The following PTH1R variants were observed in gnomAD, a reference collection of about 807,000 sequenced individuals.
PTH1R encodes the protein parathyroid hormone 1 receptor, also known as parathyroid hormone/parathyroid hormone-related peptide receptor.
In PTH1R, 32 loss-of-function variants were observed where a neutral mutation model predicts 70.7. The observed-to-expected ratio is 0.45, with a 90% CI of 0.34 to 0.61. The LOEUF (loss-of-function observed/expected upper bound fraction) is 0.61. Ranked by LOEUF, PTH1R falls within the 20% of genes least tolerant of loss-of-function variation. The pLI, the probability that PTH1R is intolerant of heterozygous loss-of-function variation, is 0.01. For missense variants in PTH1R, 626 were observed against 792.5 expected, an observed-to-expected ratio of 0.79 and a Z score of 2.52; for synonymous variants, 329 against 324.8, an observed-to-expected ratio of 1.01 and a Z score of -0.14.
At position 46,896,082 on chromosome 3, in the gene PTH1R, A is replaced by G. The variant is rs886327185; in HGVS notation, c.313+213A>G. On this transcript the variant is annotated intron_variant, in intron 5 of 15. Transcript: ENST00000449590. This position sits in a 1 kb window ranked among gnomAD's most constrained non-coding sequence, Gnocchi z 4.1. ...AGGCCTCAGAAAGAGATGAACAGAG[A>G]ACTCTCCAGCACCACACCAAGAGTG... 1.3e-5 allele frequency among the ~76,000 whole-genome samples: 2 copies of G among 152,110 alleles called. No homozygotes were observed. The highest frequency in any genetic ancestry group is 4.8e-5 in the African/African-American group (2 of 41,406).
Position 46,898,692 on chromosome 3 carries a change from C to T in PTH1R, c.669C>T (p.His223=), listed in dbSNP as rs1575522002. ...RRLHCTRNYI[H]MHLFLSFMLR... is the part of the protein sequence containing the mutation. ...TGCACTGCACGCGCAACTACATCCA[C>T]ATGCACCTGTTCCTGTCCTTCATGC... Residue 223 remains histidine (H), a synonymous_variant, in exon 9 of 16, where the codon CAC becomes CAT. Coordinates refer to ENST00000449590, the MANE Select transcript of PTH1R (RefSeq NM_000316.3). 2.5e-6 allele frequency: 4 copies of T among 1,612,546 alleles called. No individual in the cohort carries two copies. Among genetic ancestry groups the T allele is most frequent in the Non-Finnish European group, 3.4e-6 (4 of 1,179,798 alleles).
rs1402448953 is a variant in PTH1R at position 46,883,371 on chromosome 3, T to TCGCTCGCTCGCTCGCC, written c.-48-139_-48-124dup. On this transcript the variant is annotated intron_variant, in intron 2 of 15. Transcript: ENST00000449590. The surrounding 1 kb of genome is among the most constrained non-coding windows in gnomAD (Gnocchi z 6.4). ...TCCCTCCTTTGCGCTGCTCGCTCGC[T>TCGCTCGCTCGCTCGCC]CGCTCGCTCGCTCGCCCTCAGCGCA... 1.4e-5 allele frequency: 2 copies of TCGCTCGCTCGCTCGCC among 140,192 alleles called. No homozygotes were observed. Among genetic ancestry groups the TCGCTCGCTCGCTCGCC allele is most frequent in the Admixed American group, 7.1e-5 (1 of 14,030 alleles). 8.7% of individuals were successfully genotyped at this position (140,192 alleles called of 1,614,324 possible).
Position 46,898,847 on chromosome 3 carries a change from C to T in PTH1R, c.824C>T (p.Ala275Val), listed in dbSNP as rs757778337. 1.9e-6 allele frequency: 3 copies of T among 1,546,418 alleles called. No individual in the cohort carries two copies. Among genetic ancestry groups the T allele is most frequent in the Non-Finnish European group, 2.6e-6 (3 of 1,152,118 alleles). Residue 275 changes from alanine (A) to valine (V), a missense_variant, in exon 9 of 16, where the codon GCT (alanine) becomes GTT (valine). Physicochemically the swap from Ala to Val is moderately conservative, Grantham distance 64. Coordinates refer to ENST00000449590, the MANE Select transcript of PTH1R (RefSeq NM_000316.3). ...AQAPPPPATA[A>V]AGYAGCRVAV... Reference sequence around the variant, plus strand: ...GCGCCCCCGCCGCCTGCCACCGCCGCTGCCGGCTACGTGAGTACCCCTCTG... The same window carrying T: ...GCGCCCCCGCCGCCTGCCACCGCCGTTGCCGGCTACGTGAGTACCCCTCTG...
At chr3:46,898,505 T>C (rs2031899543) in intron 8 of PTH1R, 33 bp downstream of exon 8, 2 of 1,587,132 alleles carry the variant, frequency 1.3e-6, no homozygotes, top group Non-Finnish European at 1.7e-6. Flanking sequence ...CGGCGGGACA[T>C]GGTGGAGGGG....
intron 5 of PTH1R, among the ~76,000 whole-genome samples, chr3:46,897,465 C>G (rs2031818013): frequency 6.6e-6 from 1 of 152,242 alleles, no homozygotes; most frequent in Non-Finnish European, 1.5e-5. Flanking sequence ...GGTGCAGTGG[C>G]TCATGCCTGT....
Position 46,898,608 on chromosome 3 carries a change from C to A in PTH1R, c.639-54C>A, listed in dbSNP as rs1245932500. Reference sequence around the variant, plus strand: ...ACGGCGCACAACCCAGCTTCCTGTCCACCCACCGCGCGTCCCCGTGCCCCC... The same window carrying A: ...ACGGCGCACAACCCAGCTTCCTGTCAACCCACCGCGCGTCCCCGTGCCCCC... On this transcript the variant is annotated intron_variant, in intron 8 of 15. Coordinates refer to ENST00000449590, the MANE Select transcript of PTH1R (RefSeq NM_000316.3). 7 of 1,606,294 alleles carry A rather than the reference C, an allele frequency of 4.4e-6. No individual in the cohort carries two copies. In the East Asian group the frequency reaches 1.6e-4, roughly 36 times the overall value.
chr3:46,903,299 C>T lies in PTH1R; in HGVS notation c.1425C>T (p.Ser475=), dbSNP rs756097612. ...AAGCTGAGATCAAGAAATCTTGGAG[C>T]CGCTGGACACTGGCACTGGACTTCA... ...EVQAEIKKSW[S]RWTLALDFKR... is the part of the protein sequence containing the mutation. The change falls in exon 16 of 16, where the codon AGC becomes AGT. Residue 475 remains serine (S), a synonymous_variant. Transcript: ENST00000449590. The surrounding 1 kb of genome is among the most constrained non-coding windows in gnomAD (Gnocchi z 4.4). 9.3e-6 allele frequency: 15 copies of T among 1,613,242 alleles called. No individual in the cohort carries two copies. In the South Asian group the frequency reaches 1.6e-4, roughly 18 times the overall value.
intron 3 of PTH1R, among the ~76,000 whole-genome samples, chr3:46,886,928 C>T (rs2031073630): frequency 6.6e-6 from 1 of 152,024 alleles, no homozygotes; most frequent in Non-Finnish European, 1.5e-5. Context: ...TCTGGGTTTT[C>T]TCTTTCTTTT....
rs889728456 is a variant in PTH1R at position 46,892,287 on chromosome 3, G to C, written c.76-1620G>C. 5.3e-5 allele frequency among the ~76,000 whole-genome samples: 8 copies of C among 152,178 alleles called. No homozygotes were observed. The highest frequency in any genetic ancestry group is 1.9e-4 in the African/African-American group (8 of 41,456). On this transcript the variant is annotated intron_variant, in intron 3 of 15. Coordinates refer to ENST00000449590, the MANE Select transcript of PTH1R (RefSeq NM_000316.3). The surrounding 1 kb of genome is among the most constrained non-coding windows in gnomAD (Gnocchi z 5.2). The stretch of plus-strand genomic sequence containing the variant: ...CACCCACAGACGCAAAGGCTAAGGA[G>C]CTGCCGCCTCACTCACAGACGCACA...
At chr3:46,895,640 C>G (rs982861485) in intron 4 of PTH1R, 95 bp from the exon 5 acceptor site, 11 of 1,592,594 alleles carry the variant, frequency 6.9e-6, no homozygotes, top group Admixed American at 1.7e-5. Context: ...GACAACCCCC[C>G]CATTGTACAA....
At position 46,883,656 on chromosome 3, in the gene PTH1R, C is replaced by T. The variant is rs1250215713; in HGVS notation, c.75+22C>T. 3 of 1,545,834 alleles carry T rather than the reference C, an allele frequency of 1.9e-6. No homozygotes were observed. The highest frequency in any genetic ancestry group is 2.0e-5 in the Admixed American group (1 of 51,002). The stretch of plus-strand genomic sequence containing the variant: ...GCTGGTGAGTCCCCCGCCGCCAACA[C>T]TCCGGGACAGGCTGCGGGCTTACCC... On this transcript the variant is annotated intron_variant, in intron 3 of 15. Coordinates refer to ENST00000449590, the MANE Select transcript of PTH1R (RefSeq NM_000316.3). The surrounding 1 kb of genome is among the most constrained non-coding windows in gnomAD (Gnocchi z 6.4).
In PTH1R at chr3:46,902,660, C is replaced by T; in HGVS notation, c.1346C>T (p.Ser449Phe). The T allele has an allele frequency of 6.2e-7, 1 of 1,614,160 alleles. No individual in the cohort carries two copies. The highest frequency in any genetic ancestry group is 8.5e-7 in the Non-Finnish European group (1 of 1,180,034). The part of the protein sequence containing the change: ...VQMHYEMLFN[S>F]FQGFFVAIIY... Reference sequence around the variant, plus strand: ...ATGCACTATGAGATGCTCTTCAACTCCTTCCAGGTGCGCAGTGCTGGCCCG... The same window carrying T: ...ATGCACTATGAGATGCTCTTCAACTTCTTCCAGGTGCGCAGTGCTGGCCCG... Residue 449 changes from serine to phenylalanine, a missense_variant, in exon 14 of 16, where the codon TCC becomes TTC. Ser to Phe is a radical substitution (Grantham distance 155, BLOSUM62 -2). This residue lies in a region of PTH1R where 495 missense variants were observed against 638.7 expected (regional missense o/e 0.77). Coordinates refer to ENST00000449590, the MANE Select transcript of PTH1R (RefSeq NM_000316.3). The surrounding 1 kb of genome is among the most constrained non-coding windows in gnomAD (Gnocchi z 5.4).
At chr3:46,878,615 A>G (rs1217563878) in intron 1 of PTH1R, among the ~76,000 whole-genome samples, 2 of 152,202 alleles carry the variant, frequency 1.3e-5, no homozygotes, top group East Asian at 3.9e-4. Flanking sequence ...GGTCTGGCCA[A>G]GGGGTTTTCT....
intron 7 of PTH1R, 64 bp downstream of exon 7, chr3:46,898,256 C>T: frequency 1.3e-6 from 2 of 1,591,352 alleles, no homozygotes; most frequent in Non-Finnish European, 1.7e-6. Context: ...CGGGTGACCC[C>T]TGACCCAGCC....
chr3:46,897,898 G>A lies in PTH1R; in HGVS notation c.357G>A (p.Pro119=), dbSNP rs143692596. 248 of 1,613,892 alleles carry A rather than the reference G, an allele frequency of 1.5e-4. 2 individuals are homozygous for A. The Admixed American group carries it at 3.8e-3, about 25-fold the overall frequency. The change falls in exon 6 of 16, where the codon CCG becomes CCA. Residue 119 remains proline, a synonymous_variant. Coordinates refer to ENST00000449590, the MANE Select transcript of PTH1R (RefSeq NM_000316.3). ...LPEWDHILCW[P]LGAPGEVVAV... is the part of the protein sequence containing the mutation. ...AATGGGACCACATCCTGTGCTGGCC[G>A]CTGGGGGCACCAGGTGAGGTGGTGG...
At position 46,903,655 on chromosome 3, in the gene PTH1R, G is replaced by T; in HGVS notation, c.1781G>T (p.Ter594LeuextTer9). ...CAGGAAGAGTGGGAGACAGTCATGT[G>T]ACCAGGCGCTGGGGGCTGGACCTGC... ...LLQEEWETVM[*>L] The change falls in exon 16 of 16, where the codon TGA becomes TTA. Residue 594 changes from the stop codon to leucine (L), a stop_lost. Coordinates refer to ENST00000449590, the MANE Select transcript of PTH1R (RefSeq NM_000316.3). This position sits in a 1 kb window ranked among gnomAD's most constrained non-coding sequence, Gnocchi z 4.4. 6.2e-7 allele frequency: 1 copy of T among 1,608,154 alleles called. No individual in the cohort carries two copies. Among genetic ancestry groups the T allele is most frequent in the South Asian group, 1.1e-5 (1 of 91,068 alleles).
Position 46,902,357 on chromosome 3 carries a change from C to T in PTH1R, c.1212-169C>T, listed in dbSNP as rs1334279852. Among the ~76,000 whole-genome samples the T allele has an allele frequency of 6.6e-6, 1 of 152,228 alleles. No individual in the cohort carries two copies. Among genetic ancestry groups the T allele is most frequent in the African/African-American group, 2.4e-5 (1 of 41,460 alleles). On this transcript the variant is annotated intron_variant, in intron 13 of 15. Transcript: ENST00000449590. The surrounding 1 kb of genome is among the most constrained non-coding windows in gnomAD (Gnocchi z 5.4). ...TGAGAACCAACGGGCCCTATTAGCA[C>T]TTAGCCAGGACAGCAGCCATGCAGG...
chr3:46,895,252 C>T (rs1350898470), intron 4 of PTH1R, among the ~76,000 whole-genome samples: 1 of 152,156 alleles, frequency 6.6e-6, no homozygotes, highest in Non-Finnish European at 1.5e-5. Context: ...GACTGTACCA[C>T]CTTGCTCTTG....
rs754766899 is a variant in PTH1R at position 46,892,868 on chromosome 3, G to A, written c.76-1039G>A. 19 of 924,226 alleles carry A rather than the reference G, an allele frequency of 2.1e-5. No homozygotes were observed. Among genetic ancestry groups the A allele is most frequent in the Non-Finnish European group, 2.5e-5 (19 of 773,664 alleles). 57.3% of individuals were successfully genotyped at this position (924,226 alleles called of 1,614,324 possible). A position where few individuals can be genotyped will look rare whatever the true frequency, so the allele number is the denominator to read the frequency against. On this transcript the variant is annotated intron_variant, in intron 3 of 15. Coordinates refer to ENST00000449590, the MANE Select transcript of PTH1R (RefSeq NM_000316.3). The surrounding 1 kb of genome is among the most constrained non-coding windows in gnomAD (Gnocchi z 5.2). ...GACATACCCCTGCCCAGGGGTCTGAGGAAACACGACCCTGAATTAAGAGGG... is the reference window on the plus strand; with the variant it reads ...GACATACCCCTGCCCAGGGGTCTGAAGAAACACGACCCTGAATTAAGAGGG...
Sources: gnomAD v4.1 joint callset for allele counts (sites outside exome capture counted in the v4.1 genomes callset) on GRCh38, gnomAD v4.1.1 for gene constraint, gnomAD v4.1.1 regional missense constraint, Gnocchi (gnomAD v3.1) non-coding constraint, MANE v1.5 for transcripts, NCBI Gene and HGNC (gene_info 2026-07-23, HGNC 2026-07-21) for gene names.